The following ANAPC7 variants were observed in gnomAD, a reference collection of about 807,000 sequenced individuals.
ANAPC7 encodes anaphase-promoting complex subunit 7.
Under a neutral mutation model 63.3 loss-of-function variants are expected in ANAPC7, and 25 were observed. That is an observed-to-expected ratio of 0.39 (90% CI 0.29 to 0.55). The LOEUF (loss-of-function observed/expected upper bound fraction) is 0.55. Ranked by LOEUF, ANAPC7 falls within the 20% of genes least tolerant of loss-of-function variation. The pLI, the probability that ANAPC7 is intolerant of heterozygous loss-of-function variation, is 0.57. For synonymous variants in ANAPC7, 241 were observed against 251.7 expected (o/e 0.96, Z 0.40); for missense variants, 516 against 691.7 (o/e 0.75, Z 2.85).
chr12:110,402,132 G>T (rs922858282), intron 1 of ANAPC7, among the ~76,000 whole-genome samples: 1 of 150,762 alleles, frequency 6.6e-6, no homozygotes, highest in African/African-American at 2.4e-5. Context: ...CCAAGACTGC[G>T]CCACTCAACT....
intron 3 of ANAPC7, 86 bp downstream of exon 3, chr12:110,395,015 C>T (rs979987026): frequency 1.2e-5 from 17 of 1,447,854 alleles, no homozygotes; most frequent in Middle Eastern, 2.2e-4. Context: ...AATGTTCACA[C>T]GGACTCCTTA....
At chr12:110,388,348 TTAAG>T (rs1451256647) in intron 4 of ANAPC7, among the ~76,000 whole-genome samples, 160 bp downstream of exon 4, 1 of 152,158 alleles carries the variant, frequency 6.6e-6, no homozygotes, top group African/African-American at 2.4e-5. Flanking sequence ...AAAACCATAA[TTAAG>T]TATTTCTTGA....
chr12:110,382,456 AAAAAAATATATATATATATATAT>A (rs1477894988), intron 7 of ANAPC7, among the ~76,000 whole-genome samples: 8 of 86,200 alleles, frequency 9.3e-5, no homozygotes, highest in African/African-American at 3.1e-4. Flanking sequence ...AAAAAAAAAA[AAAAAAATATATATATATATATAT>A]ATATATATAT....
At chr12:110,382,455 AAAAAAAATATATATAT>A (rs1211766609) in intron 7 of ANAPC7, among the ~76,000 whole-genome samples, 1 of 70,492 alleles carries the variant, frequency 1.4e-5, no homozygotes, top group Non-Finnish European at 2.7e-5. Flanking sequence ...AAAAAAAAAA[AAAAAAAATATATATAT>A]ATATATATAT....
chr12:110,381,734 C>T lies in ANAPC7; in HGVS notation c.1132+18G>A. ...ACACCCACGGATTCACACCATTCAC[C>T]TATGTTTTCTTTCTTACCTTCATAA... On this transcript the variant is annotated intron_variant, in intron 8 of 10. Transcript: ENST00000455511. 6.2e-7 allele frequency: 1 copy of T among 1,610,800 alleles called. No homozygotes were observed. The highest frequency in any genetic ancestry group is 8.5e-7 in the Non-Finnish European group (1 of 1,179,586).
intron 3 of ANAPC7, among the ~76,000 whole-genome samples, chr12:110,388,942 C>T (rs1026391418): frequency 6.6e-6 from 1 of 151,784 alleles, no homozygotes; most frequent in Non-Finnish European, 1.5e-5. Flanking sequence ...ATTAGCTGGG[C>T]GTGGTGGCGG....
intron 3 of ANAPC7, among the ~76,000 whole-genome samples, chr12:110,390,530 A>G (rs980304565): frequency 3.9e-5 from 6 of 152,282 alleles, no homozygotes; most frequent in African/African-American, 1.4e-4. Flanking sequence ...GGCTCTAAAG[A>G]TAAAGAACAT....
intron 3 of ANAPC7, among the ~76,000 whole-genome samples, chr12:110,391,936 C>CA (rs1309943655): frequency 5.3e-5 from 8 of 151,588 alleles, no homozygotes; most frequent in African/African-American, 1.9e-4. Context: ...CACTAAAATG[C>CA]AAAAAAGTAG....
At chr12:110,392,921 G>A (rs1179665007) in intron 3 of ANAPC7, among the ~76,000 whole-genome samples, 3 of 152,130 alleles carry the variant, frequency 2.0e-5, no homozygotes, top group Non-Finnish European at 4.4e-5. Context: ...TCAGCCTCCA[G>A]AGTAGCTGAG....
rs200364295 is a variant in ANAPC7, at chr12:110,387,101, TGC to T, written c.675-634_675-633del. On this transcript the variant is annotated intron_variant, in intron 5 of 10. Transcript: ENST00000455511. ...CAAAAATTAGCTGGGTGTGGTGGCA[TGC>T]GCCTGTAGTCCCAGATACTCAGGAG... 1.7e-3 allele frequency: 259 copies of T among 152,460 alleles called. 2 individuals carry two copies. In the East Asian group the frequency reaches 0.044, roughly 26 times the overall value. 9.4% of individuals were successfully genotyped at this position (152,460 alleles called of 1,614,324 possible).
chr12:110,395,029 C>A, intron 3 of ANAPC7, 72 bp downstream of exon 3: 1 of 1,532,798 alleles, frequency 6.5e-7, no homozygotes, highest in Non-Finnish European at 8.8e-7. Context: ...CTCCTTAATG[C>A]ATGAGAAAAC....
intron 1 of ANAPC7, among the ~76,000 whole-genome samples, chr12:110,401,181 T>C (rs1205864196): frequency 1.3e-5 from 2 of 152,196 alleles, no homozygotes; most frequent in Admixed American, 6.5e-5. Flanking sequence ...CAAACACTAA[T>C]ACATCTACAG....
At chr12:110,389,535 C>A (rs950972422) in intron 3 of ANAPC7, among the ~76,000 whole-genome samples, 1 of 152,194 alleles carries the variant, frequency 6.6e-6, no homozygotes, top group African/African-American at 2.4e-5. Flanking sequence ...CTATTTAAAT[C>A]CAGTGAGTGC....
At position 110,381,957 on chromosome 12, in the gene ANAPC7, A is replaced by C; in HGVS notation, c.936-9T>G. The C allele has an allele frequency of 8.5e-7, 1 of 1,180,734 alleles. No individual in the cohort carries two copies. The highest frequency in any genetic ancestry group is 2.7e-5 in the East Asian group (1 of 36,902). The allele number at this position is 1,180,734 out of a possible 1,614,324, so 73.1% of individuals were successfully genotyped here. On this transcript the variant is annotated splice_polypyrimidine_tract_variant and intron_variant, in intron 7 of 10. Coordinates refer to ENST00000455511, the MANE Select transcript of ANAPC7 (RefSeq NM_016238.3). ...TATAGAAGCTGTGACAGCTGGAGAA[A>C]AAAAAAAAAAAAAAAACACAAAAAC...
intron 1 of ANAPC7, 146 bp downstream of exon 1, chr12:110,403,381 C>G (rs148387490): frequency 0.011 from 9,330 of 848,304 alleles, 85 homozygotes; most frequent in Middle Eastern, 0.016. Context: ...AAGTCTGCTC[C>G]GCTCCAGGAC....
At chr12:110,381,441 A>AT (rs1881835764) in intron 8 of ANAPC7, among the ~76,000 whole-genome samples, 1 of 152,078 alleles carries the variant, frequency 6.6e-6, no homozygotes, top group Admixed American at 6.6e-5. Flanking sequence ...GGTTCAAGTG[A>AT]TTATCCTGCT....
At chr12:110,395,315 A>G (rs1566276233) in intron 2 of ANAPC7, 95 bp from the exon 3 acceptor site, 8 of 1,277,618 alleles carry the variant, frequency 6.3e-6, no homozygotes, top group Non-Finnish European at 7.4e-6. Context: ...TGACCCAGCA[A>G]TTCTTTTTTT....
chr12:110,396,161 C>T, intron 2 of ANAPC7, 105 bp downstream of exon 2: 1 of 1,006,598 alleles, frequency 9.9e-7, no homozygotes, highest in East Asian at 2.5e-5. Flanking sequence ...GCTGTGCAGC[C>T]TGGTTCCTAA....
intron 1 of ANAPC7, among the ~76,000 whole-genome samples, chr12:110,403,165 A>G (rs1431833200): frequency 1.3e-5 from 2 of 152,140 alleles, no homozygotes; most frequent in Non-Finnish European, 1.5e-5. Flanking sequence ...AGCTGCAGCG[A>G]GAGAAAAAAA....
Sources: gnomAD v4.1 joint callset for allele counts (sites outside exome capture counted in the v4.1 genomes callset) on GRCh38, gnomAD v4.1.1 for gene constraint, MANE v1.5 for transcripts, NCBI Gene and HGNC (gene_info 2026-07-23, HGNC 2026-07-21) for gene names.